The following CORO2B variants were observed in gnomAD, a reference collection of about 807,000 sequenced individuals.
CORO2B encodes coronin 2B, also known as coronin-2B.
In CORO2B, 26 loss-of-function variants were observed where a neutral mutation model predicts 58.8. That is an observed-to-expected ratio of 0.44 (90% CI 0.32 to 0.61). The LOEUF (loss-of-function observed/expected upper bound fraction) is 0.61. Ranked by LOEUF, CORO2B falls within the 20% of genes least tolerant of loss-of-function variation. CORO2B has a pLI of 0.04. For synonymous variants in CORO2B, 242 were observed against 253.8 expected (o/e 0.95, Z 0.44); for missense variants, 460 against 645.1 (o/e 0.71, Z 3.11).
the CORO2B span, among the ~76,000 whole-genome samples, chr15:68,569,398 T>G: frequency 6.6e-6 from 1 of 152,224 alleles, no homozygotes; most frequent in Non-Finnish European, 1.5e-5. Context: ...TCTGTAGCCT[T>G]TGGAGACTGG....
chr15:68,535,531 A>G, the CORO2B span, among the ~76,000 whole-genome samples: 21 of 119,972 alleles, frequency 1.8e-4, no homozygotes, highest in Non-Finnish European at 3.7e-4. Flanking sequence ...TGTTCTAATT[A>G]TTATTATTAT....
At chr15:68,673,442 T>C (rs1427262072) in intron 2 of CORO2B, among the ~76,000 whole-genome samples, 1 of 152,048 alleles carries the variant, frequency 6.6e-6, no homozygotes, top group Non-Finnish European at 1.5e-5. Flanking sequence ...TGCTTGAGAC[T>C]GGACAGTCGA....
At chr15:68,675,216 C>A (rs542734443) in intron 2 of CORO2B, among the ~76,000 whole-genome samples, 1 of 152,200 alleles carries the variant, frequency 6.6e-6, no homozygotes, top group Non-Finnish European at 1.5e-5. Flanking sequence ...TGTTTGTACC[C>A]CGCTTCAGCA....
At chr15:68,579,787 C>CTG (rs1899381963) in intron 1 of CORO2B, among the ~76,000 whole-genome samples, 1 of 152,234 alleles carries the variant, frequency 6.6e-6, no homozygotes, top group Non-Finnish European at 1.5e-5. Context: ...GCAGAAGGCG[C>CTG]TGCCCAGTCC....
intron 11 of CORO2B, among the ~76,000 whole-genome samples, chr15:68,722,586 T>G (rs12898318): frequency 0.2 from 30,716 of 152,162 alleles, 3,318 homozygotes; most frequent in Middle Eastern, 0.24. Context: ...AAGCGGTTTT[T>G]TTGACAAAAG....
chr15:68,547,152 C>T, the CORO2B span, among the ~76,000 whole-genome samples: 1 of 152,142 alleles, frequency 6.6e-6, no homozygotes, highest in Admixed American at 6.5e-5. Flanking sequence ...TAGAGGTTTT[C>T]AGGCCAAATA....
chr15:68,575,523 TG>T (rs2140546013), upstream of CORO2B, among the ~76,000 whole-genome samples: 1 of 145,408 alleles, frequency 6.9e-6, no homozygotes, highest in East Asian at 2.1e-4. Flanking sequence ...TTAGTAGAAA[TG>T]GGGGTTTCAC....
At chr15:68,670,185 T>G (rs1902341479) in intron 2 of CORO2B, among the ~76,000 whole-genome samples, 1 of 152,126 alleles carries the variant, frequency 6.6e-6, no homozygotes, top group Non-Finnish European at 1.5e-5. Flanking sequence ...AGTGGTTTGT[T>G]TTGTTTTGAG....
At chr15:68,644,463 C>T (rs2079067127) in intron 1 of CORO2B, among the ~76,000 whole-genome samples, 2 of 152,158 alleles carry the variant, frequency 1.3e-5, no homozygotes, top group African/African-American at 4.8e-5. Flanking sequence ...AACCTTGCTC[C>T]AAAGGGTAAT....
chr15:68,544,788 T>C, the CORO2B span, among the ~76,000 whole-genome samples: 1 of 151,700 alleles, frequency 6.6e-6, no homozygotes, highest in African/African-American at 2.4e-5. Flanking sequence ...TTTTTTTTTT[T>C]TTTTTTGAGA....
rs749493485 is a variant in CORO2B, at chr15:68,725,880, G to A, written c.1349G>A (p.Arg450Gln). 1.7e-5 allele frequency: 28 copies of A among 1,613,786 alleles called. No homozygotes were observed. The highest frequency in any genetic ancestry group is 2.2e-5 in the Non-Finnish European group (26 of 1,180,010). Residue 450 changes from arginine (R) to glutamine (Q), a missense_variant, in exon 12 of 12, where the codon CGA becomes CAA. By Grantham distance (43) the Arg-to-Gln change is conservative. This residue lies in a region of CORO2B where 108 missense variants were observed against 102.1 expected (regional missense o/e 1.06). Coordinates refer to ENST00000261861, the MANE Select transcript of CORO2B (RefSeq NM_006091.5). ...RMFFRQQDEI[R>Q]RLKEELAQKD... ...TTCTTCCGGCAGCAGGATGAGATTCGACGGTTGAAAGAGGAGCTGGCCCAG... is the reference window on the plus strand; with the variant it reads ...TTCTTCCGGCAGCAGGATGAGATTCAACGGTTGAAAGAGGAGCTGGCCCAG...
intron 6 of CORO2B, 126 bp from the exon 7 acceptor site, chr15:68,714,433 G>A: frequency 1.4e-6 from 1 of 735,072 alleles, no homozygotes; most frequent in Non-Finnish European, 2.4e-6. Flanking sequence ...CCATAGGACG[G>A]GCTTTTTAAC....
At chr15:68,561,042 G>A in the CORO2B span, among the ~76,000 whole-genome samples, 1 of 152,178 alleles carries the variant, frequency 6.6e-6, no homozygotes, top group African/African-American at 2.4e-5. Context: ...AGAGAGCATA[G>A]AGCTCTGGTG....
At position 68,587,233 on chromosome 15, in the gene CORO2B, C is replaced by T. The variant is rs546454314; in HGVS notation, c.15+7956C>T. Among the ~76,000 whole-genome samples, 16 of 152,264 alleles carry T rather than the reference C, an allele frequency of 1.1e-4. No homozygotes were observed. The East Asian group carries it at 3.1e-3, about 29-fold the overall frequency. ...ACAAAAAAAACCCCCTAAGTGTCTG[C>T]AGTTTGGTGTCTGCTCTGTCCGAGC... On this transcript the variant is annotated intron_variant, in intron 1 of 11. Coordinates refer to ENST00000261861, the MANE Select transcript of CORO2B (RefSeq NM_006091.5).
chr15:68,634,433 C>T (rs1900963872), intron 1 of CORO2B, among the ~76,000 whole-genome samples: 2 of 152,194 alleles, frequency 1.3e-5, no homozygotes, highest in South Asian at 4.1e-4. Context: ...CATGTTCACA[C>T]ACAGTATTAT....
chr15:68,527,439 CTT>C, the CORO2B span, among the ~76,000 whole-genome samples: 3 of 152,054 alleles, frequency 2.0e-5, no homozygotes, highest in Non-Finnish European at 4.4e-5. Flanking sequence ...GGAAGACTCT[CTT>C]TTCCTTTATT....
At chr15:68,695,411 G>A (rs1317061829) in intron 3 of CORO2B, among the ~76,000 whole-genome samples, 155 bp downstream of exon 3, 2 of 152,164 alleles carry the variant, frequency 1.3e-5, no homozygotes, top group African/African-American at 4.8e-5. Context: ...GGGGGGATGG[G>A]AGCTAGGAAA....
chr15:68,620,544 G>C (rs1218538958), intron 1 of CORO2B, among the ~76,000 whole-genome samples: 1 of 152,094 alleles, frequency 6.6e-6, no homozygotes, highest in South Asian at 2.1e-4. Flanking sequence ...GAGTAAAGAG[G>C]GTCTTCCCCT....
intron 1 of CORO2B, among the ~76,000 whole-genome samples, chr15:68,633,514 TACACACACACACAC>T (rs147873341): frequency 2.1e-5 from 3 of 144,000 alleles, no homozygotes; most frequent in African/African-American, 5.2e-5. Flanking sequence ...TACTCCAACA[TACACACACACACAC>T]ACACACACAC....
Sources: allele counts gnomAD v4.1 joint callset (sites outside exome capture counted in the v4.1 genomes callset), GRCh38; gene constraint gnomAD v4.1.1; regional missense constraint gnomAD v4.1.1; transcripts MANE v1.5; gene names NCBI Gene and HGNC (gene_info 2026-07-23, HGNC 2026-07-21).